TBC1D30: variants seen among roughly 807,000 people sequenced by gnomAD.
TBC1D30 encodes the protein TBC1 domain family, member 30.
A neutral mutation model predicts 63.2 loss-of-function variants in TBC1D30; 31 were observed. The observed-to-expected ratio is 0.49, with a 90% CI of 0.37 to 0.66. TBC1D30 has a LOEUF of 0.66. TBC1D30 is among the 30% of genes least tolerant of loss of function. The pLI, the probability that TBC1D30 is intolerant of heterozygous loss-of-function variation, is 0.00. For synonymous variants in TBC1D30, 307 were observed against 361.5 expected (o/e 0.85, Z 1.71); for missense variants, 810 against 953.6 (o/e 0.85, Z 1.98).
At chr12:64,871,809 A>ATAGC (rs1229824972) in intron 11 of TBC1D30, among the ~76,000 whole-genome samples, 2 of 152,220 alleles carry the variant, frequency 1.3e-5, no homozygotes. Context: ...CCAGGGTTAT[A>ATAGC]TAGCTATAGT....
intron 2 of TBC1D30, among the ~76,000 whole-genome samples, chr12:64,791,874 C>T (rs1254417715): frequency 1.3e-5 from 2 of 152,064 alleles, no homozygotes; most frequent in African/African-American, 2.4e-5. Context: ...CGTAAGCTAA[C>T]GTACTTGGCC....
intron 2 of TBC1D30, among the ~76,000 whole-genome samples, chr12:64,791,708 GTA>G (rs1555167158): frequency 6.7e-5 from 10 of 149,912 alleles, no homozygotes; most frequent in Admixed American, 6.7e-5. Flanking sequence ...TTGTGTGTGT[GTA>G]TATATATATA....
chr12:64,763,018 C>T (rs576058415), intron 1 of TBC1D30, among the ~76,000 whole-genome samples: 5 of 152,204 alleles, frequency 3.3e-5, no homozygotes, highest in South Asian at 4.1e-4. Context: ...GATCTGTCTG[C>T]GCTCTTGGCT....
intron 1 of TBC1D30, among the ~76,000 whole-genome samples, chr12:64,774,976 C>T (rs1366347614): frequency 6.6e-6 from 1 of 151,858 alleles, no homozygotes; most frequent in Non-Finnish European, 1.5e-5. Context: ...ACCTGTAATC[C>T]CAACTACCTG....
intron 1 of TBC1D30, among the ~76,000 whole-genome samples, chr12:64,760,267 C>T (rs906628496): frequency 6.6e-6 from 1 of 151,978 alleles, no homozygotes; most frequent in African/African-American, 2.4e-5. Flanking sequence ...TTAGACTTTG[C>T]CCCTCTCCTC....
chr12:64,869,732 A>G (rs2136473207), intron 10 of TBC1D30, among the ~76,000 whole-genome samples: 1 of 152,096 alleles, frequency 6.6e-6, no homozygotes, highest in Non-Finnish European at 1.5e-5. Context: ...TCTGATTAGC[A>G]GTTTCTCTTT....
At chr12:64,861,903 G>A (rs1877826008) in intron 8 of TBC1D30, among the ~76,000 whole-genome samples, 1 of 152,144 alleles carries the variant, frequency 6.6e-6, no homozygotes, top group Non-Finnish European at 1.5e-5. Context: ...CATAAGTGAT[G>A]GGGTGGAAAT....
chr12:64,863,962 A>C (rs562867017), intron 8 of TBC1D30, among the ~76,000 whole-genome samples: 1 of 152,384 alleles, frequency 6.6e-6, no homozygotes, highest in Non-Finnish European at 1.5e-5. Context: ...TTTAATAAAA[A>C]TAAGAAAGCA....
chr12:64,832,374 C>T (rs1592607637), intron 5 of TBC1D30, 70 bp downstream of exon 5: 12 of 1,420,784 alleles, frequency 8.4e-6, no homozygotes, highest in South Asian at 8.0e-5. Context: ...CATAATTTCT[C>T]TTCCTTGATG....
upstream of TBC1D30, among the ~76,000 whole-genome samples, chr12:64,821,216 T>C (rs1873866310): frequency 6.6e-6 from 1 of 152,238 alleles, no homozygotes; most frequent in Non-Finnish European, 1.5e-5. Flanking sequence ...TCAGGGGTAT[T>C]GACTGCTATT....
chr12:64,822,324 G>C (rs1377926325), upstream of TBC1D30, among the ~76,000 whole-genome samples: 5 of 151,828 alleles, frequency 3.3e-5, no homozygotes, highest in African/African-American at 1.2e-4. Context: ...AGGACTACAG[G>C]CATACACTAC....
At chr12:64,765,195 GAAA>G (rs1349564675) in intron 1 of TBC1D30, among the ~76,000 whole-genome samples, 2 of 152,086 alleles carry the variant, frequency 1.3e-5, no homozygotes, top group African/African-American at 4.8e-5. Context: ...CGTTGAATAA[GAAA>G]ATTACTACAC....
chr12:64,815,607 C>A (rs1300222620), intron 2 of TBC1D30, among the ~76,000 whole-genome samples: 1 of 152,026 alleles, frequency 6.6e-6, no homozygotes, highest in Non-Finnish European at 1.5e-5. Context: ...GAAATAAATT[C>A]ATGAAAAAAC....
At chr12:64,861,918 A>G (rs1877826804) in intron 8 of TBC1D30, among the ~76,000 whole-genome samples, 2 of 152,140 alleles carry the variant, frequency 1.3e-5, no homozygotes, top group Admixed American at 6.6e-5. Flanking sequence ...GGAAATTACA[A>G]GGGTATGGAT....
chr12:64,790,961 T>C (rs748933966), intron 2 of TBC1D30, among the ~76,000 whole-genome samples: 2 of 152,188 alleles, frequency 1.3e-5, no homozygotes, highest in African/African-American at 2.4e-5. Flanking sequence ...TGAAGACATA[T>C]GTCCCCACAA....
At chr12:64,772,661 T>G (rs2136279520) in intron 1 of TBC1D30, among the ~76,000 whole-genome samples, 1 of 152,044 alleles carries the variant, frequency 6.6e-6, no homozygotes, top group East Asian at 1.9e-4. Flanking sequence ...AACTCCTGAC[T>G]TCATGATCCA....
intron 8 of TBC1D30, among the ~76,000 whole-genome samples, chr12:64,852,601 G>T (rs1321359166): frequency 6.6e-6 from 1 of 152,068 alleles, no homozygotes; most frequent in Non-Finnish European, 1.5e-5. Context: ...TTTTGCGCTG[G>T]TTTTCCCTCA....
At chr12:64,763,104 C>A (rs766547210) in intron 1 of TBC1D30, among the ~76,000 whole-genome samples, 2 of 151,996 alleles carry the variant, frequency 1.3e-5, no homozygotes, top group African/African-American at 2.4e-5. Context: ...TACAGGCATG[C>A]GTCACTATGC....
At chr12:64,832,379 T>C in intron 5 of TBC1D30, 75 bp downstream of exon 5, 1 of 1,397,426 alleles carries the variant, frequency 7.2e-7, no homozygotes, top group Non-Finnish European at 9.6e-7. Context: ...TTTCTCTTCC[T>C]TGATGTCTCA....
Sources: allele counts gnomAD v4.1 joint callset (sites outside exome capture counted in the v4.1 genomes callset), GRCh38; gene constraint gnomAD v4.1.1; transcripts MANE v1.5; gene names NCBI Gene and HGNC (gene_info 2026-07-23, HGNC 2026-07-21).